Variants in DIP2B observed in about 807,000 individuals in gnomAD.
DIP2B encodes the protein disco-interacting protein 2 homolog B.
In DIP2B, 76 loss-of-function variants were observed where a neutral mutation model predicts 198.0. That is an observed-to-expected ratio of 0.38 (90% CI 0.32 to 0.46). The LOEUF (loss-of-function observed/expected upper bound fraction) is 0.46, where lower values mean the gene tolerates loss of function less well. DIP2B is among the 20% of genes least tolerant of loss of function. DIP2B has a pLI of 0.99. For missense variants in DIP2B, 1,559 were observed against 1,978.4 expected (o/e 0.79, Z 4.02); for synonymous variants, 701 against 739.1 (o/e 0.95, Z 0.84).
At chr12:50,655,557 G>A (rs950347898) in intron 3 of DIP2B, among the ~76,000 whole-genome samples, 2 of 152,190 alleles carry the variant, frequency 1.3e-5, no homozygotes, top group Non-Finnish European at 2.9e-5. Context: ...AAGCAGGAAA[G>A]GATGAGAACT....
intron 1 of DIP2B, among the ~76,000 whole-genome samples, chr12:50,620,481 C>T (rs1233736680): frequency 2.0e-5 from 3 of 152,174 alleles, no homozygotes; most frequent in Non-Finnish European, 2.9e-5. Context: ...GCGTGTGGGT[C>T]GCAGACTCGC....
chr12:50,675,882 G>A (rs1160944743), intron 7 of DIP2B, among the ~76,000 whole-genome samples: 1 of 152,188 alleles, frequency 6.6e-6, no homozygotes, highest in Non-Finnish European at 1.5e-5. Context: ...AAGGCAGCGT[G>A]TTAGATGGTG....
chr12:50,643,259 G>T (rs563271737), intron 3 of DIP2B, among the ~76,000 whole-genome samples: 4 of 152,188 alleles, frequency 2.6e-5, no homozygotes, highest in African/African-American at 9.6e-5. Flanking sequence ...CTGCTGTTTT[G>T]CACCATTGCT....
At chr12:50,623,026 TAGAA>T (rs757376463) in intron 1 of DIP2B, among the ~76,000 whole-genome samples, 1 of 152,088 alleles carries the variant, frequency 6.6e-6, no homozygotes, top group Non-Finnish European at 1.5e-5. Flanking sequence ...CGTTCGTTCT[TAGAA>T]AGATGTGTAC....
At chr12:50,620,205 C>T (rs545883470) in intron 1 of DIP2B, among the ~76,000 whole-genome samples, 25 of 152,302 alleles carry the variant, frequency 1.6e-4, no homozygotes, top group Admixed American at 4.6e-4. Flanking sequence ...ACTACTTATG[C>T]GACTGTTCTC....
chr12:50,519,581 C>T (rs1024022294), intron 1 of DIP2B, among the ~76,000 whole-genome samples: 1 of 152,134 alleles, frequency 6.6e-6, no homozygotes, highest in Non-Finnish European at 1.5e-5. Flanking sequence ...TGGGACAGCC[C>T]TAAATGAAAA....
intron 3 of DIP2B, among the ~76,000 whole-genome samples, chr12:50,654,358 T>TTC: frequency 6.9e-6 from 1 of 144,930 alleles, no homozygotes; most frequent in Middle Eastern, 3.5e-3. Flanking sequence ...CTTTCTTTCT[T>TTC]TTTTTTTTTT....
intron 1 of DIP2B, among the ~76,000 whole-genome samples, chr12:50,526,886 C>T (rs973019126): frequency 3.9e-5 from 6 of 152,010 alleles, no homozygotes; most frequent in African/African-American, 1.4e-4. Context: ...TACGACTACC[C>T]CGGTCCCCCA....
At chr12:50,687,945 G>T (rs1024445403) in intron 12 of DIP2B, among the ~76,000 whole-genome samples, 1 of 151,352 alleles carries the variant, frequency 6.6e-6, no homozygotes, top group Non-Finnish European at 1.5e-5. Flanking sequence ...GGGACACATT[G>T]GTTCACGCCT....
intron 19 of DIP2B, 91 bp downstream of exon 19, chr12:50,699,293 CAT>C (rs1436429048): frequency 9.0e-6 from 14 of 1,549,966 alleles, no homozygotes; most frequent in Admixed American, 7.0e-5. Flanking sequence ...CATAGCATAA[CAT>C]GTGGTTGAGA....
intron 1 of DIP2B, among the ~76,000 whole-genome samples, chr12:50,575,211 GCT>G (rs1206303809): frequency 6.6e-6 from 1 of 151,868 alleles, no homozygotes; most frequent in Non-Finnish European, 1.5e-5. Context: ...TTTGTATCCA[GCT>G]CTCTATTTAG....
At chr12:50,555,581 C>G (rs544842253) in intron 1 of DIP2B, among the ~76,000 whole-genome samples, 1 of 152,224 alleles carries the variant, frequency 6.6e-6, no homozygotes, top group Non-Finnish European at 1.5e-5. Context: ...GGAAGTTGCC[C>G]GAGCTGCCCT....
At chr12:50,721,420 G>C (rs1440265754) in intron 26 of DIP2B, 24 bp downstream of exon 26, 2 of 1,613,206 alleles carry the variant, frequency 1.2e-6, no homozygotes, top group Admixed American at 3.3e-5. Flanking sequence ...TGGCAGACTA[G>C]AGTTTAAGCT....
intron 1 of DIP2B, among the ~76,000 whole-genome samples, chr12:50,603,295 C>G (rs1304354119): frequency 6.6e-6 from 1 of 152,062 alleles, no homozygotes; most frequent in Non-Finnish European, 1.5e-5. Flanking sequence ...TATAGTGTTG[C>G]CTGTACTGTG....
chr12:50,717,898 T>TG (rs1333793653), intron 23 of DIP2B, among the ~76,000 whole-genome samples: 3 of 137,526 alleles, frequency 2.2e-5, no homozygotes, highest in Non-Finnish European at 4.8e-5. Flanking sequence ...ATTATTCACT[T>TG]TTTTTTTTTT....
At chr12:50,670,928 G>A (rs1287012689) in intron 4 of DIP2B, among the ~76,000 whole-genome samples, 1 of 151,928 alleles carries the variant, frequency 6.6e-6, no homozygotes, top group Non-Finnish European at 1.5e-5. Flanking sequence ...AGAAAAGCAG[G>A]GAATAAAGTT....
intron 22 of DIP2B, among the ~76,000 whole-genome samples, chr12:50,708,966 T>C (rs1939563739): frequency 6.6e-6 from 1 of 152,228 alleles, no homozygotes; most frequent in African/African-American, 2.4e-5. Flanking sequence ...AGCTTTACTC[T>C]GAAGGAGCTT....
At chr12:50,671,105 A>T in intron 4 of DIP2B, 81 bp from the exon 5 acceptor site, 1 of 1,374,038 alleles carries the variant, frequency 7.3e-7, no homozygotes, top group East Asian at 2.3e-5. Flanking sequence ...GTCGAAACTG[A>T]ATGTGTGATC....
chr12:50,680,616 A>T, intron 8 of DIP2B, 56 bp from the exon 9 acceptor site: 1 of 1,498,910 alleles, frequency 6.7e-7, no homozygotes, highest in Non-Finnish European at 9.2e-7. Flanking sequence ...TCTTTCATTG[A>T]GGTAGACCTG....
Sources: gnomAD v4.1 joint callset for allele counts (sites outside exome capture counted in the v4.1 genomes callset) on GRCh38, gnomAD v4.1.1 for gene constraint, MANE v1.5 for transcripts, NCBI Gene and HGNC (gene_info 2026-07-23, HGNC 2026-07-21) for gene names.